Variants in CCDC91 observed in about 807,000 individuals in gnomAD.
CCDC91 encodes coiled-coil domain-containing protein 91.
CCDC91 carries 48 observed loss-of-function variants against 63.2 expected under a neutral mutation model. The observed-to-expected ratio is 0.76, with a 90% CI of 0.60 to 0.97. CCDC91 has a LOEUF of 0.97. Among genes scored for constraint, CCDC91 ranks in the 50% least tolerant of loss-of-function variants. The pLI is 0.00. For synonymous variants in CCDC91, 167 were observed against 165.8 expected (o/e 1.01, Z -0.06); for missense variants, 500 against 494.6 (o/e 1.01, Z -0.10).
chr12:28,295,835 T>G (rs1224519575), intron 3 of CCDC91, among the ~76,000 whole-genome samples: 1 of 152,042 alleles, frequency 6.6e-6, no homozygotes, highest in Non-Finnish European at 1.5e-5. Flanking sequence ...ATGTATCACT[T>G]TAGCTTAAGG....
chr12:28,391,724 A>G (rs1945960316), intron 8 of CCDC91, among the ~76,000 whole-genome samples: 1 of 152,190 alleles, frequency 6.6e-6, no homozygotes, highest in African/African-American at 2.4e-5. Flanking sequence ...TTTTAGTGAG[A>G]TAAGATTTAT....
At chr12:28,544,352 C>G (rs1347448399) in intron 12 of CCDC91, among the ~76,000 whole-genome samples, 1 of 151,894 alleles carries the variant, frequency 6.6e-6, no homozygotes, top group Non-Finnish European at 1.5e-5. Context: ...CTTCTTGTCT[C>G]TTTTCAAGTC....
intron 1 of CCDC91, among the ~76,000 whole-genome samples, chr12:28,247,846 A>G (rs1421377264): frequency 6.6e-6 from 1 of 152,196 alleles, no homozygotes; most frequent in Non-Finnish European, 1.5e-5. Context: ...ACCTCGGATC[A>G]TCAGGCATTA....
rs3013049 is a variant in CCDC91, at chr12:28,201,512, C to T, written c.-15+10871C>T. ...GCTCGTCACTTCCTAGATGGGATGG[C>T]GGCCGGGCAGAGACGCTCCTCACTT... On this transcript the variant is annotated intron_variant, in intron 1 of 12. Coordinates refer to ENST00000536442, the MANE Select transcript of CCDC91 (RefSeq NM_018318.5). Among the ~76,000 whole-genome samples, 817 of 137,916 alleles carry T rather than the reference C, an allele frequency of 5.9e-3. 32 individuals are homozygous for T. The highest frequency in any genetic ancestry group is 0.021 in the African/African-American group (779 of 37,368). The allele number at this position is 137,916 out of a possible 152,430, so 90.5% of individuals were successfully genotyped here. A position where few individuals can be genotyped will look rare whatever the true frequency, so the allele number is the denominator to read the frequency against.
intron 1 of CCDC91, among the ~76,000 whole-genome samples, chr12:28,252,473 A>G (rs1037432872): frequency 6.6e-6 from 1 of 151,240 alleles, no homozygotes; most frequent in Non-Finnish European, 1.5e-5. Flanking sequence ...TTTTTCTCTT[A>G]TACTTTTTTA....
intron 6 of CCDC91, among the ~76,000 whole-genome samples, chr12:28,339,138 A>G (rs745587322): frequency 2.0e-5 from 3 of 152,084 alleles, no homozygotes; most frequent in Admixed American, 6.5e-5. Context: ...ACCATGCCCA[A>G]CTGGATTCTG....
chr12:28,410,942 T>C (rs1947280525), intron 8 of CCDC91, among the ~76,000 whole-genome samples: 1 of 152,200 alleles, frequency 6.6e-6, no homozygotes, highest in Non-Finnish European at 1.5e-5. Context: ...CCTCATGTTT[T>C]TTTGCTTCCT....
chr12:28,357,646 A>G (rs991117988), intron 6 of CCDC91, among the ~76,000 whole-genome samples: 2 of 152,014 alleles, frequency 1.3e-5, no homozygotes, highest in African/African-American at 4.8e-5. Context: ...AGGAGATCTG[A>G]TTTAGGGTTT....
chr12:28,260,306 T>TACAGTTGATCTGTTCTCTGAA (rs1946740650), intron 3 of CCDC91, among the ~76,000 whole-genome samples: 2 of 152,036 alleles, frequency 1.3e-5, no homozygotes, highest in African/African-American at 4.8e-5. Flanking sequence ...TATATGTTTA[T>TACAGTTGATCTGTTCTCTGAA]ACAGTTGATC....
At chr12:28,329,568 T>C (rs1941315833) in intron 6 of CCDC91, among the ~76,000 whole-genome samples, 2 of 152,098 alleles carry the variant, frequency 1.3e-5, no homozygotes, top group Non-Finnish European at 2.9e-5. Flanking sequence ...ACAGACATAG[T>C]GTATATAGAT....
chr12:28,298,362 T>G (rs1185831493), intron 3 of CCDC91, among the ~76,000 whole-genome samples: 1 of 62,712 alleles, frequency 1.6e-5, no homozygotes, highest in Non-Finnish European at 2.9e-5. Flanking sequence ...GATTGTTGAG[T>G]TTTTTTTTTT....
intron 3 of CCDC91, among the ~76,000 whole-genome samples, chr12:28,268,073 T>A (rs1295137657): frequency 6.9e-6 from 1 of 145,850 alleles, no homozygotes; most frequent in Non-Finnish European, 1.5e-5. Context: ...TTAATAATAA[T>A]AACTTTTTGA....
In CCDC91 at chr12:28,491,959, T is replaced by TGG. The variant is rs879928962; in HGVS notation, c.1215+7797_1215+7798dup. On this transcript the variant is annotated intron_variant, in intron 12 of 12. Transcript: ENST00000536442. ...TGTGTGTGTGCGTGTATGAAGGTGT[T>TGG]GGGGTGTGTGTGTGTGTGTGTGTCT... Among the ~76,000 whole-genome samples the TGG allele has an allele frequency of 5.8e-3, 806 of 139,010 alleles. 2 individuals are homozygous for TGG. Among genetic ancestry groups the TGG allele is most frequent in the Middle Eastern group, 0.011 (3 of 274 alleles). 91.2% of individuals were successfully genotyped at this position (139,010 alleles called of 152,430 possible). A position where few individuals can be genotyped will look rare whatever the true frequency, so the allele number is the denominator to read the frequency against.
chr12:28,201,379 C>T (rs1410002667), intron 1 of CCDC91, among the ~76,000 whole-genome samples: 2 of 143,458 alleles, frequency 1.4e-5, no homozygotes, highest in Non-Finnish European at 3.2e-5. Context: ...GAGCTCCTCA[C>T]ATCCCAGGCG....
intron 8 of CCDC91, among the ~76,000 whole-genome samples, chr12:28,441,884 C>T (rs2140229903): frequency 6.6e-6 from 1 of 151,796 alleles, no homozygotes; most frequent in East Asian, 1.9e-4. Flanking sequence ...TATCACACAG[C>T]TAAGTGCATA....
At chr12:28,394,661 T>C (rs962333169) in intron 8 of CCDC91, among the ~76,000 whole-genome samples, 3 of 151,088 alleles carry the variant, frequency 2.0e-5, no homozygotes, top group Non-Finnish European at 3.0e-5. Context: ...GCAAATCTAA[T>C]AGCTGGATGG....
At chr12:28,281,005 A>G (rs556189878) in intron 3 of CCDC91, among the ~76,000 whole-genome samples, 2 of 152,198 alleles carry the variant, frequency 1.3e-5, no homozygotes, top group African/African-American at 2.4e-5. Flanking sequence ...AAGATATCCT[A>G]TGCAATATGG....
chr12:28,362,048 C>G (rs543859171), intron 6 of CCDC91, among the ~76,000 whole-genome samples: 1 of 152,012 alleles, frequency 6.6e-6, no homozygotes, highest in Admixed American at 6.6e-5. Context: ...GGGGTCTAAT[C>G]ATATTCCAGT....
intron 3 of CCDC91, among the ~76,000 whole-genome samples, chr12:28,297,764 C>G (rs1213753821): frequency 6.6e-6 from 1 of 151,788 alleles, no homozygotes; most frequent in Admixed American, 6.6e-5. Flanking sequence ...CCAAAGAATA[C>G]TGTAAGCACT....
Sources: gnomAD v4.1 joint callset for allele counts (sites outside exome capture counted in the v4.1 genomes callset) on GRCh38, gnomAD v4.1.1 for gene constraint, MANE v1.5 for transcripts, NCBI Gene and HGNC (gene_info 2026-07-23, HGNC 2026-07-21) for gene names.